Variants in SERPINA12 observed in about 807,000 individuals in gnomAD.
The protein encoded by SERPINA12 is serpin family A member 12.
A neutral mutation model predicts 25.9 loss-of-function variants in SERPINA12; 21 were observed. The ratio of observed to expected loss-of-function variants is 0.81; its 90% CI spans 0.58 to 1.17. The LOEUF is 1.17. SERPINA12 is among the 50% of genes most tolerant of loss of function. SERPINA12 has a pLI of 0.00. For missense variants in SERPINA12, 562 were observed against 508.3 expected, an observed-to-expected ratio of 1.11 and a Z score of -1.02; for synonymous variants, 220 against 196.0, an observed-to-expected ratio of 1.12 and a Z score of -1.02.
At chr14:94,503,299 A>G in intron 1 of SERPINA12, 1 of 985,346 alleles carries the variant, frequency 1.0e-6, no homozygotes, top group Non-Finnish European at 1.2e-6. Flanking sequence ...TCTGGAAAAC[A>G]AAGAGTGGAG....
chr14:94,489,469 C>CG, intron 4 of SERPINA12, 151 bp downstream of exon 4: 1 of 785,094 alleles, frequency 1.3e-6, no homozygotes, highest in East Asian at 2.7e-5. Flanking sequence ...CCCAGGATCA[C>CG]GGGGTTGGTA....
chr14:94,487,570 T>A, intron 4 of SERPINA12, 76 bp from the exon 5 acceptor site: 1 of 1,347,526 alleles, frequency 7.4e-7, no homozygotes, highest in South Asian at 1.4e-5. Context: ...CCAGAGAGGA[T>A]CAGAGAGGAA....
upstream of SERPINA12, among the ~76,000 whole-genome samples, chr14:94,512,991 A>C (rs1332834554): frequency 6.6e-6 from 1 of 152,230 alleles, no homozygotes; most frequent in East Asian, 1.9e-4. Flanking sequence ...CACATTCCCC[A>C]GTGGGTTCTA....
chr14:94,517,180 A>T (rs1457356418), intron 1 of SERPINA12, among the ~76,000 whole-genome samples: 1 of 149,840 alleles, frequency 6.7e-6, no homozygotes, highest in Non-Finnish European at 1.5e-5. Flanking sequence ...GGCATCAGAC[A>T]GTGGGACCAT....
intron 1 of SERPINA12, among the ~76,000 whole-genome samples, chr14:94,501,697 C>A (rs1900733953): frequency 7.1e-6 from 1 of 141,452 alleles, no homozygotes; most frequent in Admixed American, 7.0e-5. Flanking sequence ...GGGACACAGC[C>A]CACACCCTGG....
chr14:94,488,425 C>T (rs911616585), intron 4 of SERPINA12, among the ~76,000 whole-genome samples: 3 of 151,810 alleles, frequency 2.0e-5, no homozygotes, highest in African/African-American at 7.3e-5. Flanking sequence ...CACTGCTGCA[C>T]CCATCCCCGC....
intron 3 of SERPINA12, among the ~76,000 whole-genome samples, chr14:94,490,027 C>A (rs1900098602): frequency 1.3e-5 from 2 of 152,128 alleles, no homozygotes; most frequent in Admixed American, 1.3e-4. Flanking sequence ...CTCAAGTTCC[C>A]CCGTCTCAGA....
intron 1 of SERPINA12, chr14:94,503,291 T>C: frequency 1.0e-6 from 1 of 985,284 alleles, no homozygotes; most frequent in Non-Finnish European, 1.2e-6. Flanking sequence ...TCCTCCTTTC[T>C]GGAAAACAAA....
chr14:94,510,591 GCAATCCCA>G (rs1251529363), upstream of SERPINA12, among the ~76,000 whole-genome samples: 1 of 152,156 alleles, frequency 6.6e-6, no homozygotes, highest in East Asian at 1.9e-4. Context: ...ATTTCATCCA[GCAATCCCA>G]CTACTGGGTA....
chr14:94,500,150 C>A (rs943059897), intron 1 of SERPINA12, among the ~76,000 whole-genome samples: 1 of 152,174 alleles, frequency 6.6e-6, no homozygotes, highest in Non-Finnish European at 1.5e-5. Flanking sequence ...TCCTTCTACG[C>A]CAAGCACTGT....
At chr14:94,489,591 G>A (rs1900065353) in intron 4 of SERPINA12, 29 bp downstream of exon 4, 1 of 1,611,022 alleles carries the variant, frequency 6.2e-7, no homozygotes, top group South Asian at 1.1e-5. Flanking sequence ...TGTGCTGCAG[G>A]GAGTGGAGTC....
At chr14:94,511,463 A>T (rs1447631690), upstream of SERPINA12, 1 of 985,312 alleles carries the variant, frequency 1.0e-6, no homozygotes, top group African/African-American at 1.7e-5. Flanking sequence ...ACTTTGGGAG[A>T]AATCAAGGAA....
chr14:94,512,404 T>C (rs1205032681), upstream of SERPINA12, among the ~76,000 whole-genome samples: 2 of 152,202 alleles, frequency 1.3e-5, no homozygotes, highest in Non-Finnish European at 2.9e-5. Flanking sequence ...TTGTTAGCAG[T>C]GCTATCAAAT....
At chr14:94,504,368 C>T (rs538988392) in intron 1 of SERPINA12, 1 of 152,296 alleles carries the variant, frequency 6.6e-6, no homozygotes, top group South Asian at 2.1e-4. Flanking sequence ...CTAATGAAGT[C>T]CACTAGACAC....
chr14:94,489,622 C>G lies in SERPINA12; in HGVS notation c.1051G>C (p.Glu351Gln). 2 of 1,613,866 alleles carry G rather than the reference C, an allele frequency of 1.2e-6. No individual in the cohort carries two copies. The highest frequency in any genetic ancestry group is 1.1e-5 in the South Asian group (1 of 91,018). ...IAPHRSLKVG[E>Q]AVHKAELKMD... ...GAGTCCAGGCTAGGCAGGCTTACCT[C>G]GCCCACTTTCAGGCTGCGATGAGGG... is the stretch of plus-strand genomic sequence containing the variant. Residue 351 changes from glutamate (E) to glutamine (Q), a missense_variant and splice_region_variant, in exon 4 of 5, where the codon GAG (glutamate) becomes CAG (glutamine). Transcript: ENST00000677451.
At chr14:94,516,135 C>G (rs1243569231) in exon 2 of SERPINA12, 1 of 152,568 alleles carries the variant, frequency 6.6e-6, no homozygotes, top group African/African-American at 2.4e-5. Flanking sequence ...ATGAGCTGGG[C>G]TTCCACCAGG....
intron 1 of SERPINA12, among the ~76,000 whole-genome samples, chr14:94,500,611 G>A (rs1900676460): frequency 6.6e-6 from 1 of 152,158 alleles, no homozygotes; most frequent in African/African-American, 2.4e-5. Context: ...GAATGTTGGG[G>A]TGCTGGCCTG....
At chr14:94,511,607 A>G (rs915755632), upstream of SERPINA12, 65 of 985,268 alleles carry the variant, frequency 6.6e-5, no homozygotes, top group Non-Finnish European at 7.5e-5. Context: ...TCAGTTTTCC[A>G]TCTCTGAGCC....
chr14:94,513,446 A>G (rs1458825443), upstream of SERPINA12, among the ~76,000 whole-genome samples: 4 of 152,236 alleles, frequency 2.6e-5, no homozygotes, highest in Non-Finnish European at 5.9e-5. Flanking sequence ...AATTCTATGT[A>G]GAGACAGAAA....
Sources: allele counts gnomAD v4.1 joint callset (sites outside exome capture counted in the v4.1 genomes callset), GRCh38; gene constraint gnomAD v4.1.1; transcripts MANE v1.5; gene names NCBI Gene and HGNC (gene_info 2026-07-23, HGNC 2026-07-21).